Variants in POLN observed in about 807,000 individuals in gnomAD.
POLN encodes DNA polymerase nu.
In POLN, 108 loss-of-function variants were observed where a neutral mutation model predicts 113.5. The ratio of observed to expected loss-of-function variants is 0.95; its 90% CI spans 0.81 to 1.12. POLN has a LOEUF of 1.12. POLN is among the 50% of genes most tolerant of loss of function. POLN has a pLI of 0.00. For missense variants in POLN, 1,097 were observed against 1,077.1 expected, an observed-to-expected ratio of 1.02 and a Z score of -0.26; for synonymous variants, 386 against 391.5, an observed-to-expected ratio of 0.99 and a Z score of 0.17.
intron 7 of POLN, among the ~76,000 whole-genome samples, chr4:2,185,446 A>T (rs1213858854): frequency 2.0e-5 from 3 of 152,234 alleles, no homozygotes; most frequent in African/African-American, 7.2e-5. Flanking sequence ...AAGAGGCTTA[A>T]CAAATACAAG....
chr4:2,236,831 C>A (rs1454001653), intron 2 of POLN, among the ~76,000 whole-genome samples: 1 of 151,318 alleles, frequency 6.6e-6, no homozygotes, highest in Non-Finnish European at 1.5e-5. Flanking sequence ...CCACTGCACT[C>A]CAGCCTGGGC....
At chr4:2,147,494 C>T (rs1561039227) in intron 16 of POLN, among the ~76,000 whole-genome samples, 1 of 152,010 alleles carries the variant, frequency 6.6e-6, no homozygotes, top group African/African-American at 2.4e-5. Flanking sequence ...CCAATCCATG[C>T]CCAGGGTGAA....
At position 2,183,572 on chromosome 4, in the gene POLN, C is replaced by A. The variant is rs544349722; in HGVS notation, c.1022-4107G>T. ...GAAATAAGCTAGTGACAAAAGGTTGCATATTGTGCAATTCTATTCATGTTA... is the reference window on the plus strand; with the variant it reads ...GAAATAAGCTAGTGACAAAAGGTTGAATATTGTGCAATTCTATTCATGTTA... On this transcript the variant is annotated intron_variant, in intron 7 of 25. Transcript: ENST00000511885. Among the ~76,000 whole-genome samples, 8 of 152,252 alleles carry A rather than the reference C, an allele frequency of 5.3e-5. No homozygotes were observed. In the South Asian group the frequency reaches 1.7e-3, roughly 32 times the overall value.
intron 4 of POLN, among the ~76,000 whole-genome samples, chr4:2,211,605 G>A (rs1429754608): frequency 1.3e-5 from 2 of 151,894 alleles, no homozygotes; most frequent in South Asian, 2.1e-4. Context: ...GTGAAACCCT[G>A]TCTCCACCAA....
intron 13 of POLN, among the ~76,000 whole-genome samples, chr4:2,160,906 C>A (rs1395990416): frequency 6.6e-6 from 1 of 152,222 alleles, no homozygotes; most frequent in Non-Finnish European, 1.5e-5. Flanking sequence ...TTTAGATACA[C>A]AATTCACCTG....
chr4:2,241,033 C>A, intron 2 of POLN: 1 of 936,286 alleles, frequency 1.1e-6, no homozygotes, highest in Non-Finnish European at 1.6e-6. Context: ...AAAAAAGCTA[C>A]GTTTTATACC....
At chr4:2,135,909 C>T (rs947454928) in intron 16 of POLN, among the ~76,000 whole-genome samples, 2 of 152,244 alleles carry the variant, frequency 1.3e-5, no homozygotes, top group African/African-American at 4.8e-5. Context: ...GCATCCTCTA[C>T]TGGGAGGGGC....
chr4:2,230,098 C>CA (rs1447664474), intron 2 of POLN: 1 of 152,508 alleles, frequency 6.6e-6, no homozygotes, highest in Non-Finnish European at 1.5e-5. Flanking sequence ...AGTTTGAGAC[C>CA]AGCCTGACCA....
chr4:2,107,109 T>C (rs1731084035), intron 19 of POLN, among the ~76,000 whole-genome samples: 1 of 152,150 alleles, frequency 6.6e-6, no homozygotes, highest in African/African-American at 2.4e-5. Flanking sequence ...TTCTTTTTCA[T>C]TGCACCTTTT....
chr4:2,213,818 GAC>G (rs1482112809), intron 3 of POLN, among the ~76,000 whole-genome samples: 1 of 152,108 alleles, frequency 6.6e-6, no homozygotes, highest in Non-Finnish European at 1.5e-5. Context: ...CAAATGAAAA[GAC>G]ACAGCATTAG....
chr4:2,075,511 G>A lies in POLN; in HGVS notation c.2396C>T (p.Ala799Val). 1 of 1,613,310 alleles carries A rather than the reference G, an allele frequency of 6.2e-7. No homozygotes were observed. Among genetic ancestry groups the A allele is most frequent in the Non-Finnish European group, 8.5e-7 (1 of 1,179,938 alleles). The change falls in exon 24 of 26, where the codon GCC becomes GTC. Residue 799 changes from alanine (A) to valine (V), a missense_variant. Ala to Val is a moderately conservative substitution (Grantham distance 64). Coordinates refer to ENST00000511885, the MANE Select transcript of POLN (RefSeq NM_181808.4). ...AAACAGCAGCTCATCATGGATCTGG[G>A]CCACCAGCCTGGCAGGGAGGGAAGG... ...ASHTLTARLV[A>V]QIHDELLFEV...
intron 19 of POLN, among the ~76,000 whole-genome samples, chr4:2,113,216 T>C (rs1187457552): frequency 3.5e-5 from 4 of 113,260 alleles, no homozygotes; most frequent in Non-Finnish European, 6.6e-5. Flanking sequence ...AAGGGGAACA[T>C]CACACACCGG....
chr4:2,095,129 T>TAGA (rs1204927843), intron 20 of POLN, among the ~76,000 whole-genome samples: 1 of 138,222 alleles, frequency 7.2e-6, no homozygotes, highest in Non-Finnish European at 1.5e-5. Flanking sequence ...CAAGGGAGAG[T>TAGA]AGAAGAAGGG....
At chr4:2,176,215 G>C in intron 9 of POLN, 51 bp downstream of exon 9, 8 of 1,454,100 alleles carry the variant, frequency 5.5e-6, no homozygotes, top group Non-Finnish European at 7.7e-6. Flanking sequence ...CCAATGAAAA[G>C]ACATCTCTTG....
intron 3 of POLN, among the ~76,000 whole-genome samples, chr4:2,218,125 G>T (rs1307985733): frequency 3.3e-5 from 5 of 151,770 alleles, no homozygotes; most frequent in Non-Finnish European, 7.4e-5. Context: ...AGTCTCTTGG[G>T]GAAAAATAAA....
chr4:2,165,614 G>GT (rs147561294), intron 13 of POLN, among the ~76,000 whole-genome samples: 2,935 of 152,212 alleles, frequency 0.019, 110 homozygotes, highest in African/African-American at 0.067. Context: ...CGATAACGAT[G>GT]TATCAGTGTG....
At chr4:2,228,982 A>G (rs1351779246) in intron 3 of POLN, 117 bp downstream of exon 3, 1 of 1,017,838 alleles carries the variant, frequency 9.8e-7, no homozygotes, top group Non-Finnish European at 1.4e-6. Context: ...AATGAGTGTA[A>G]AAGGGGCGGG....
intron 16 of POLN, among the ~76,000 whole-genome samples, chr4:2,145,166 T>A (rs919699549): frequency 6.6e-6 from 1 of 152,054 alleles, no homozygotes; most frequent in East Asian, 1.9e-4. Flanking sequence ...AAAAGTAACT[T>A]TATTAAGAGA....
intron 2 of POLN, among the ~76,000 whole-genome samples, chr4:2,233,907 C>T (rs937749906): frequency 4.8e-5 from 7 of 145,162 alleles, no homozygotes; most frequent in Non-Finnish European, 7.4e-5. Context: ...GCAATCTGGC[C>T]ATATCAAAGG....
Sources: gnomAD v4.1 joint callset for allele counts (sites outside exome capture counted in the v4.1 genomes callset) on GRCh38, gnomAD v4.1.1 for gene constraint, MANE v1.5 for transcripts, NCBI Gene and HGNC (gene_info 2026-07-23, HGNC 2026-07-21) for gene names.